Variants in IRAK2 observed in about 807,000 individuals in gnomAD.
The protein encoded by IRAK2 is interleukin-1 receptor-associated kinase-like 2.
IRAK2 carries 57 observed loss-of-function variants against 72.0 expected under a neutral mutation model. The ratio of observed to expected loss-of-function variants is 0.79; its 90% CI spans 0.64 to 0.99. The LOEUF (loss-of-function observed/expected upper bound fraction) is 0.99, where lower values mean the gene tolerates loss of function less well. Among genes scored for constraint, IRAK2 ranks in the 50% least tolerant of loss-of-function variants. The pLI is 0.00. For missense variants in IRAK2, 790 were observed against 794.4 expected (o/e 0.99, Z 0.07); for synonymous variants, 293 against 312.7 (o/e 0.94, Z 0.67).
chr3:10,203,070 C>T (rs1315966846), intron 3 of IRAK2, among the ~76,000 whole-genome samples: 1 of 152,114 alleles, frequency 6.6e-6, no homozygotes, highest in Non-Finnish European at 1.5e-5. Flanking sequence ...AATCTCGGCT[C>T]ATTGCAACCT....
chr3:10,196,584 G>A (rs946725702), intron 2 of IRAK2, among the ~76,000 whole-genome samples: 1 of 152,212 alleles, frequency 6.6e-6, no homozygotes, highest in African/African-American at 2.4e-5. Flanking sequence ...GGATGGGGGG[G>A]TGTGGCCTAT....
At chr3:10,219,894 G>A in intron 8 of IRAK2, 105 bp downstream of exon 8, 1 of 743,722 alleles carries the variant, frequency 1.3e-6, no homozygotes, top group South Asian at 1.6e-5. Context: ...TGTCCTCTTT[G>A]TTTTTCTCTT....
At chr3:10,198,334 C>T (rs1697304968) in intron 2 of IRAK2, among the ~76,000 whole-genome samples, 1 of 152,270 alleles carries the variant, frequency 6.6e-6, no homozygotes. Context: ...CCCGATGTCT[C>T]CCCAACTCCT....
At chr3:10,172,546 A>G (rs1696813274) in intron 1 of IRAK2, among the ~76,000 whole-genome samples, 1 of 145,396 alleles carries the variant, frequency 6.9e-6, no homozygotes, top group African/African-American at 2.5e-5. Context: ...TCAAAAAAAA[A>G]AAAAAAAAAA....
chr3:10,187,863 G>C (rs779936936), intron 2 of IRAK2, among the ~76,000 whole-genome samples: 6 of 152,172 alleles, frequency 3.9e-5, no homozygotes, highest in African/African-American at 4.8e-5. Context: ...AACCTAGGGG[G>C]TCAGAGGCAG....
chr3:10,177,391 G>A (rs1305131156), intron 1 of IRAK2, among the ~76,000 whole-genome samples: 2 of 152,100 alleles, frequency 1.3e-5, no homozygotes, highest in Non-Finnish European at 1.5e-5. Context: ...TGCCTCACCT[G>A]ACTCACCCTC....
intron 10 of IRAK2, among the ~76,000 whole-genome samples, chr3:10,227,773 ATTC>A (rs1697803088): frequency 6.6e-6 from 1 of 150,690 alleles, no homozygotes; most frequent in Non-Finnish European, 1.5e-5. Flanking sequence ...GGTTCATGCC[ATTC>A]TTCTGCCTCA....
At chr3:10,232,937 G>A (rs1457222238) in intron 10 of IRAK2, among the ~76,000 whole-genome samples, 1 of 152,088 alleles carries the variant, frequency 6.6e-6, no homozygotes, top group Non-Finnish European at 1.5e-5. Flanking sequence ...AGTAGCATGT[G>A]CCTATAGTCC....
chr3:10,236,342 GTTTTTTTTTTTT>G (rs34423993), intron 11 of IRAK2, among the ~76,000 whole-genome samples: 1 of 99,636 alleles, frequency 1.0e-5, no homozygotes, highest in East Asian at 4.2e-4. Context: ...AGCCACTAAG[GTTTTTTTTTTTT>G]TTTTTTTTTT....
At chr3:10,236,423 C>T (rs1022618815) in intron 11 of IRAK2, among the ~76,000 whole-genome samples, 18 of 146,630 alleles carry the variant, frequency 1.2e-4, no homozygotes, top group East Asian at 6.5e-4. Flanking sequence ...TCTCGGCTCA[C>T]TGCAACCTCC....
intron 1 of IRAK2, among the ~76,000 whole-genome samples, chr3:10,172,880 C>T (rs1373100791): frequency 6.9e-6 from 1 of 145,154 alleles, no homozygotes; most frequent in African/African-American, 2.5e-5. Context: ...GGGGTTTCAT[C>T]ATGTCGGCCA....
At chr3:10,180,885 G>C (rs1413136912) in intron 2 of IRAK2, among the ~76,000 whole-genome samples, 2 of 152,104 alleles carry the variant, frequency 1.3e-5, no homozygotes, top group African/African-American at 2.4e-5. Context: ...CAGTGGGGCA[G>C]CGAGAACATC....
At chr3:10,238,105 C>T (rs564986351) in intron 11 of IRAK2, among the ~76,000 whole-genome samples, 6 of 152,050 alleles carry the variant, frequency 3.9e-5, no homozygotes, top group African/African-American at 7.2e-5. Context: ...CACACACACA[C>T]GTGCACGCAC....
At chr3:10,212,240 GC>G (rs1697532670) in intron 4 of IRAK2, among the ~76,000 whole-genome samples, 1 of 152,128 alleles carries the variant, frequency 6.6e-6, no homozygotes, top group Non-Finnish European at 1.5e-5. Flanking sequence ...GCCCAGGATG[GC>G]TTTGAATGTG....
At chr3:10,184,960 T>A (rs917755607) in intron 2 of IRAK2, among the ~76,000 whole-genome samples, 1 of 150,452 alleles carries the variant, frequency 6.6e-6, no homozygotes, top group Admixed American at 6.6e-5. Context: ...GGTGATCTCC[T>A]GACCTCGTGA....
At chr3:10,209,195 G>C (rs1679766822) in intron 3 of IRAK2, among the ~76,000 whole-genome samples, 1 of 152,150 alleles carries the variant, frequency 6.6e-6, no homozygotes, top group African/African-American at 2.4e-5. Context: ...TGGAAGGCAG[G>C]CTTGGTAGCT....
chr3:10,242,597 G>A lies in IRAK2; in HGVS notation c.*369G>A, dbSNP rs776308652. On this transcript the variant is annotated 3_prime_UTR_variant, in exon 13 of 13. Coordinates refer to ENST00000256458, the MANE Select transcript of IRAK2 (RefSeq NM_001570.4). ...TTACCTCAGCAGCTCTTGTTCCCCC[G>A]CCACTGGCAGTTCTGCAATGCCATA... 4 of 157,338 alleles carry A rather than the reference G, an allele frequency of 2.5e-5. No homozygotes were observed. Among genetic ancestry groups the A allele is most frequent in the Admixed American group, 1.3e-4 (2 of 15,438 alleles). 9.7% of individuals were successfully genotyped at this position (157,338 alleles called of 1,614,324 possible).
chr3:10,219,144 G>A (rs1314023679), intron 7 of IRAK2, among the ~76,000 whole-genome samples: 2 of 152,250 alleles, frequency 1.3e-5, no homozygotes, highest in African/African-American at 4.8e-5. Context: ...GCTACAGTGA[G>A]CTATGATGCT....
At position 10,197,539 on chromosome 3, in the gene IRAK2, C is replaced by A. The variant is rs115262286; in HGVS notation, c.278-2830C>A. Among the ~76,000 whole-genome samples, 9 of 152,162 alleles carry A rather than the reference C, an allele frequency of 5.9e-5. 1 individual carries two copies. The highest frequency in any genetic ancestry group is 2.2e-4 in the African/African-American group (9 of 41,526). On this transcript the variant is annotated intron_variant, in intron 2 of 12. Transcript: ENST00000256458. ...CCATATTTTGAGCTAAGCAGTGTCT[C>A]CATTAGTCTTCATAAAAGTTGTCCA... is the stretch of plus-strand genomic sequence containing the variant.
Sources: allele counts gnomAD v4.1 joint callset (sites outside exome capture counted in the v4.1 genomes callset), GRCh38; gene constraint gnomAD v4.1.1; transcripts MANE v1.5; gene names NCBI Gene and HGNC (gene_info 2026-07-23, HGNC 2026-07-21).